NOXO1: variants seen among roughly 807,000 people sequenced by gnomAD.
NOXO1 encodes the protein NADPH oxidase regulatory protein.
In NOXO1, 38 loss-of-function variants were observed where a neutral mutation model predicts 33.3. That is an observed-to-expected ratio of 1.14 (90% confidence interval 0.88 to 1.50). The LOEUF (loss-of-function observed/expected upper bound fraction) is 1.50, where lower values mean the gene tolerates loss of function less well. Ranked by LOEUF, NOXO1 falls within the 40% of genes most tolerant of loss-of-function variation. NOXO1 has a pLI of 0.00. For missense variants in NOXO1, 675 were observed against 527.1 expected (o/e 1.28, Z -2.75); for synonymous variants, 302 against 237.3 (o/e 1.27, Z -2.51).
In NOXO1 at chr16:1,979,184, G is replaced by A. The variant is rs1474859688; in HGVS notation, c.984C>T (p.Thr328=). Residue 328 remains threonine, a synonymous_variant, in exon 8 of 8, where the codon ACC becomes ACT. Transcript: ENST00000356120. ...QATAPPPTVP[T]RPSPGAIQSR... ...TCTGGATGGCGCCCGGCGAAGGTCGGGTGGGCACGGTGGGGGGAGGGGCGG... is the reference window on the plus strand; with the variant it reads ...TCTGGATGGCGCCCGGCGAAGGTCGAGTGGGCACGGTGGGGGGAGGGGCGG... 8.9e-6 allele frequency: 13 copies of A among 1,459,082 alleles called. No individual in the cohort carries two copies. In the South Asian group the frequency reaches 1.2e-4, roughly 14 times the overall value. 90.4% of individuals were successfully genotyped at this position (1,459,082 alleles called of 1,614,324 possible).
chr16:1,979,190 C>A lies in NOXO1; in HGVS notation c.978G>T (p.Val326=). ...PSQATAPPPT[V]PTRPSPGAIQ... ...TGGCGCCCGGCGAAGGTCGGGTGGGCACGGTGGGGGGAGGGGCGGTGGCCT... is the reference window on the plus strand; with the variant it reads ...TGGCGCCCGGCGAAGGTCGGGTGGGAACGGTGGGGGGAGGGGCGGTGGCCT... The change falls in exon 8 of 8, where the codon GTG becomes GTT. Residue 326 remains valine, a synonymous_variant. Transcript: ENST00000356120. The A allele has an allele frequency of 6.9e-7, 1 of 1,459,410 alleles. No homozygotes were observed. Among genetic ancestry groups the A allele is most frequent in the Non-Finnish European group, 9.0e-7 (1 of 1,113,994 alleles). The allele number at this position is 1,459,410 out of a possible 1,614,324, so 90.4% of individuals were successfully genotyped here.
Position 1,979,013 on chromosome 16 carries a change from G to A in NOXO1, c.*39C>T, listed in dbSNP as rs753111158. On this transcript the variant is annotated 3_prime_UTR_variant, in exon 8 of 8. Coordinates refer to ENST00000356120, the MANE Select transcript of NOXO1 (RefSeq NM_172167.3). ...GCCCTCCCCGCTCCTCCCCAGCCCT[G>A]GGATGGCGCGGTCCATCCCCTCATC... is the stretch of plus-strand genomic sequence containing the variant. 18 of 1,514,900 alleles carry A rather than the reference G, an allele frequency of 1.2e-5. No homozygotes were observed. Among genetic ancestry groups the A allele is most frequent in the Non-Finnish European group, 1.6e-5 (18 of 1,139,058 alleles). The allele number at this position is 1,514,900 out of a possible 1,614,324, so 93.8% of individuals were successfully genotyped here.
rs747961625 is a variant in NOXO1 at position 1,980,653 on chromosome 16, G to A, written c.223+3C>T. 1 of 1,604,660 alleles carries A rather than the reference G, an allele frequency of 6.2e-7. No individual in the cohort carries two copies. Among genetic ancestry groups the A allele is most frequent in the Non-Finnish European group, 8.5e-7 (1 of 1,175,754 alleles). The stretch of plus-strand genomic sequence containing the variant: ...CCCGCTCCCGTACCCAGGCTGGCCT[G>A]ACCGAGAAGCTTTGGGAGAACGCGG... On this transcript the variant is annotated splice_donor_region_variant and intron_variant, in intron 3 of 7. Transcript: ENST00000356120.
Position 1,979,053 on chromosome 16 carries a change from C to A in NOXO1, c.1115G>T (p.Ter372LeuextTer6). ...DSVPHPTTEQ[*>L] is the part of the protein sequence containing the mutation. The stretch of plus-strand genomic sequence containing the variant: ...ATCCCCTCATCGGGATCCTCGCGCT[C>A]ACTGCTCCGTCGTGGGGTGCGGCAC... Residue 372 changes from the stop codon to leucine, a stop_lost, in exon 8 of 8, where the codon TGA becomes TTA. Coordinates refer to ENST00000356120, the MANE Select transcript of NOXO1 (RefSeq NM_172167.3). 2 of 1,545,308 alleles carry A rather than the reference C, an allele frequency of 1.3e-6. No homozygotes were observed. Among genetic ancestry groups the A allele is most frequent in the South Asian group, 1.2e-5 (1 of 84,584 alleles).
rs1226668000 is a variant in NOXO1, at chr16:1,980,140, C to T, written c.443G>A (p.Arg148His). 1 of 1,605,930 alleles carries T rather than the reference C, an allele frequency of 6.2e-7. No individual in the cohort carries two copies. Among genetic ancestry groups the T allele is most frequent in the Non-Finnish European group, 8.5e-7 (1 of 1,178,382 alleles). Residue 148 changes from arginine to histidine, a missense_variant, in exon 5 of 8, where the codon CGC becomes CAC. Physicochemically the swap from Arg to His is conservative, Grantham distance 29. Coordinates refer to ENST00000356120, the MANE Select transcript of NOXO1 (RefSeq NM_172167.3). ...LPTPEEQPLS[R>H]AAGRLSIHSL... ...GTGGATGGAGAGGCGGCCCGCAGCG[C>T]GAGAAAGAGGCTGCTCCTCTGGGGT...
rs1275120744 is a variant in NOXO1, at chr16:1,979,239, G to A, written c.929C>T (p.Ala310Val). Reference protein sequence around the residue: ...FRGGDDPAGEARGFPEPSQAT... With the variant: ...FRGGDDPAGEVRGFPEPSQAT... Reference sequence around the variant, plus strand: ...CTGGGAGGGTTCAGGGAAGCCCCGGGCCTCACCCGCCGGGTCGTCTCCTCC... The same window carrying A: ...CTGGGAGGGTTCAGGGAAGCCCCGGACCTCACCCGCCGGGTCGTCTCCTCC... The change falls in exon 8 of 8, where the codon GCC (alanine) becomes GTC (valine). Residue 310 changes from alanine to valine, a missense_variant. Ala to Val is a moderately conservative substitution (Grantham distance 64). Transcript: ENST00000356120. 10 of 1,509,972 alleles carry A rather than the reference G, an allele frequency of 6.6e-6. No homozygotes were observed. Among genetic ancestry groups the A allele is most frequent in the Non-Finnish European group, 8.8e-6 (10 of 1,136,118 alleles). The allele number at this position is 1,509,972 out of a possible 1,614,324, so 93.5% of individuals were successfully genotyped here.
chr16:1,980,204 G>A lies in NOXO1; in HGVS notation c.402-23C>T, dbSNP rs201282851. On this transcript the variant is annotated intron_variant, in intron 4 of 7. Coordinates refer to ENST00000356120, the MANE Select transcript of NOXO1 (RefSeq NM_172167.3). The stretch of plus-strand genomic sequence containing the variant: ...CGGCTGGGAAGGGCAGCCCGTACGA[G>A]TGAGAGGTAGGCGGATGGGGAGGGT... The A allele has an allele frequency of 6.3e-6, 10 of 1,583,754 alleles. No homozygotes were observed. In the East Asian group the frequency reaches 2.0e-4, roughly 32 times the overall value.
Position 1,980,512 on chromosome 16 carries a change from T to TCGTGCGCCCCACGCGTCC in NOXO1, c.238_255dup (p.Gly80_Thr85dup), listed in dbSNP as rs1348680358. 1 of 1,603,130 alleles carries TCGTGCGCCCCACGCGTCC rather than the reference T, an allele frequency of 6.2e-7. No homozygotes were observed. The highest frequency in any genetic ancestry group is 8.5e-7 in the Non-Finnish European group (1 of 1,179,244). ...AGCTGCAGGCGCGCCAGGCCGCGGCTCGTGCGCCCCACGCGTCCCAACAGT... is the reference window on the plus strand; with the variant it reads ...AGCTGCAGGCGCGCCAGGCCGCGGCTCGTGCGCCCCACGCGTCCCGTGCGCCCCACGCGTCCCAACAGT... On this transcript the variant is annotated inframe_insertion, in exon 4 of 8. Coordinates refer to ENST00000356120, the MANE Select transcript of NOXO1 (RefSeq NM_172167.3).
In NOXO1 at chr16:1,979,869, G is replaced by C; in HGVS notation, c.621C>G (p.Thr207=). Residue 207 remains threonine, a synonymous_variant, in exon 6 of 8, where the codon ACC becomes ACG. Coordinates refer to ENST00000356120, the MANE Select transcript of NOXO1 (RefSeq NM_172167.3). ...CCAGGTAGGGCGCTGGAAACCAGGCGGTCTGCCGGTCTTCGTTCTCCACCA... is the reference window on the plus strand; with the variant it reads ...CCAGGTAGGGCGCTGGAAACCAGGCCGTCTGCCGGTCTTCGTTCTCCACCA... ...WWLVENEDRQ[T]AWFPAPYLEE... is the part of the protein sequence containing the mutation. 6.3e-6 allele frequency: 10 copies of C among 1,581,328 alleles called. No homozygotes were observed. Among genetic ancestry groups the C allele is most frequent in the Non-Finnish European group, 8.6e-6 (10 of 1,165,020 alleles).
intron 6 of NOXO1, 78 bp downstream of exon 6, chr16:1,979,712 G>T: frequency 7.8e-7 from 1 of 1,286,484 alleles, no homozygotes; most frequent in Non-Finnish European, 1.1e-6. Flanking sequence ...GGCCCGCCCT[G>T]CCCGCGGTGC....
At chr16:1,979,967 G>T (rs370905485) in intron 5 of NOXO1, 30 bp downstream of exon 5, 11 of 1,588,978 alleles carry the variant, frequency 6.9e-6, no homozygotes, top group Non-Finnish European at 9.4e-6. Context: ...GAGCAGAGGA[G>T]CAAATCCCTG....
rs531161155 is a variant in NOXO1 at position 1,979,815 on chromosome 16, C to T, written c.675G>A (p.Glu225=). 5.5e-5 allele frequency: 86 copies of T among 1,563,570 alleles called. No homozygotes were observed. The highest frequency in any genetic ancestry group is 7.2e-5 in the Non-Finnish European group (83 of 1,155,978). The stretch of plus-strand genomic sequence containing the variant: ...CGCTGCTCCCTAGGGACGGGCCTCC[C>T]TCCCGGCCTTGGCCCGGGGCCGCCT... ...LEEAAPGQGR[E]GGPSLGSSGP... is the part of the protein sequence containing the mutation. The change falls in exon 6 of 8, where the codon GAG becomes GAA. Residue 225 remains glutamate, a synonymous_variant. Coordinates refer to ENST00000356120, the MANE Select transcript of NOXO1 (RefSeq NM_172167.3).
rs767521063 is a variant in NOXO1 at position 1,980,105 on chromosome 16, C to T, written c.478G>A (p.Ala160Thr). ...GGCTGCAGGCAGCGCAGGCTCTGAG[C>T]CTCCAGACTGTGGATGGAGAGGCGG... ...AGRLSIHSLE[A>T]QSLRCLQPFC... Residue 160 changes from alanine to threonine, a missense_variant, in exon 5 of 8, where the codon GCT (alanine) becomes ACT (threonine). Transcript: ENST00000356120. The T allele has an allele frequency of 7.2e-5, 116 of 1,608,024 alleles. No homozygotes were observed. The highest frequency in any genetic ancestry group is 9.4e-5 in the Non-Finnish European group (111 of 1,178,828).
rs779551089 is a variant in NOXO1 at position 1,979,483 on chromosome 16, G to A, written c.760C>T (p.Pro254Ser). ...AACACGCGCACGCGCGCCCCCGCGG[G>A]CACGGACAGCTCATCTGCGCGGCTG... ...ESSRADELSVPAGARVRVLET... is the reference protein window; with the variant it reads ...ESSRADELSVSAGARVRVLET... The change falls in exon 7 of 8, where the codon CCC becomes TCC. Residue 254 changes from proline to serine, a missense_variant. Pro to Ser is a moderately conservative substitution (Grantham distance 74). Transcript: ENST00000356120. The A allele has an allele frequency of 1.2e-6, 2 of 1,611,938 alleles. No homozygotes were observed.
Position 1,981,102 on chromosome 16 carries a change from G to A in NOXO1, c.66+12C>T, listed in dbSNP as rs751660064. ...ATCCCTTGGGGCCACTAAGGACCCAGCCAGGTCTTACTTGGAGCCTCTTGA... is the reference window on the plus strand; with the variant it reads ...ATCCCTTGGGGCCACTAAGGACCCAACCAGGTCTTACTTGGAGCCTCTTGA... On this transcript the variant is annotated intron_variant, in intron 1 of 7. Coordinates refer to ENST00000356120, the MANE Select transcript of NOXO1 (RefSeq NM_172167.3). 4 of 1,612,706 alleles carry A rather than the reference G, an allele frequency of 2.5e-6. No homozygotes were observed. The highest frequency in any genetic ancestry group is 3.4e-6 in the Non-Finnish European group (4 of 1,179,276).
rs745905966 is a variant in NOXO1 at position 1,979,535 on chromosome 16, CT to C, written c.707del (p.Gln236ArgfsTer60). The stretch of plus-strand genomic sequence containing the variant: ...TCTCGTAGGCGCGGGAAGCACAGAA[CT>C]GGGGACCTGGTGGGAGTGGGTGTTT... The part of the protein sequence containing the change: ...GGPSLGSSGP[Q>X]FCASRAYESS... On this transcript the variant is annotated frameshift_variant, in exon 7 of 8. Coordinates refer to ENST00000356120, the MANE Select transcript of NOXO1 (RefSeq NM_172167.3). LOFTEE classifies it high-confidence loss of function. 6.2e-7 allele frequency: 1 copy of C among 1,609,422 alleles called. No individual in the cohort carries two copies. The highest frequency in any genetic ancestry group is 2.2e-5 in the East Asian group (1 of 44,800).
Position 1,980,057 on chromosome 16 carries a change from CCCGCG to C in NOXO1, c.521_525del (p.Thr174ArgfsTer2). The C allele has an allele frequency of 1.9e-6, 3 of 1,607,434 alleles. No homozygotes were observed. ...TGGGCCTGCGCCTGAAAAGGCCTAT[CCCGCG>C]TGTCCTGGGTACAGAAGGGCTGCAG... On this transcript the variant is annotated frameshift_variant, in exon 5 of 8. Coordinates refer to ENST00000356120, the MANE Select transcript of NOXO1 (RefSeq NM_172167.3). LOFTEE classifies it high-confidence loss of function.
At chr16:1,980,328 A>T in intron 4 of NOXO1, 39 bp downstream of exon 4, 1 of 1,579,700 alleles carries the variant, frequency 6.3e-7, no homozygotes, top group Non-Finnish European at 8.6e-7. Context: ...CCAGCTCCAA[A>T]CGCCGCTGCA....
At chr16:1,980,288 C>A in intron 4 of NOXO1, 79 bp downstream of exon 4, 1 of 1,522,712 alleles carries the variant, frequency 6.6e-7, no homozygotes, top group Non-Finnish European at 8.8e-7. Flanking sequence ...CCCCTATTCG[C>A]TGGCTGTTCC....
Sources: allele counts gnomAD v4.1 joint callset, GRCh38; gene constraint gnomAD v4.1.1; transcripts MANE v1.5; gene names NCBI Gene and HGNC (gene_info 2026-07-23, HGNC 2026-07-21).